SLIT3: variants seen among roughly 807,000 people sequenced by gnomAD.
SLIT3 encodes the protein slit guidance ligand 3.
A neutral mutation model predicts 184.0 loss-of-function variants in SLIT3; 68 were observed. The observed-to-expected ratio is 0.37, with a 90% CI of 0.30 to 0.45. The LOEUF (loss-of-function observed/expected upper bound fraction) is 0.45, where lower values mean the gene tolerates loss of function less well. SLIT3 is among the 20% of genes least tolerant of loss of function. The pLI, the probability that SLIT3 is intolerant of heterozygous loss-of-function variation, is 1.00. For missense variants in SLIT3, 1,707 were observed against 2,026.0 expected (o/e 0.84, Z 3.02); for synonymous variants, 831 against 828.6 (o/e 1.00, Z -0.05).
chr5:169,256,740 C>T (rs932931973), intron 1 of SLIT3, among the ~76,000 whole-genome samples: 1 of 152,116 alleles, frequency 6.6e-6, no homozygotes, highest in Admixed American at 6.5e-5. Context: ...TTTGTGCCAC[C>T]TCTGAGAACC....
At chr5:168,957,257 G>T (rs1053116249) in intron 4 of SLIT3, among the ~76,000 whole-genome samples, 15 of 151,992 alleles carry the variant, frequency 9.9e-5, no homozygotes, top group African/African-American at 3.6e-4. Context: ...TAGAGGTGGG[G>T]GTCTGGCTAT....
intron 4 of SLIT3, among the ~76,000 whole-genome samples, chr5:169,177,840 T>G (rs1398404766): frequency 6.6e-6 from 1 of 152,354 alleles, no homozygotes; most frequent in Non-Finnish European, 1.5e-5. Flanking sequence ...ACTTCCTTTC[T>G]CTTCCCTTCC....
In SLIT3 at chr5:168,898,251, AG is replaced by A. The variant is rs575332889; in HGVS notation, c.414-14916del. 2.1e-3 allele frequency among the ~76,000 whole-genome samples: 327 copies of A among 152,286 alleles called. 3 individuals are homozygous for A. The Middle Eastern group carries it at 0.034, about 16-fold the overall frequency. On this transcript the variant is annotated intron_variant, in intron 4 of 35. Transcript: ENST00000519560. Reference sequence around the variant, plus strand: ...CCTATTGATCATAAGAGGGCCTGACAGGCACTCAAGCTGGGTATACATCACC... The same window carrying A: ...CCTATTGATCATAAGAGGGCCTGACAGCACTCAAGCTGGGTATACATCACC...
At chr5:169,209,628 T>A (rs115110536) in intron 3 of SLIT3, among the ~76,000 whole-genome samples, 10,458 of 152,168 alleles carry the variant, frequency 0.069, 449 homozygotes, top group South Asian at 0.12. Context: ...AGAAAAGGAT[T>A]AGTTCACATC....
chr5:169,094,116 A>G (rs907105132), intron 4 of SLIT3, among the ~76,000 whole-genome samples: 1 of 152,186 alleles, frequency 6.6e-6, no homozygotes, highest in African/African-American at 2.4e-5. Context: ...CCAAGATCAC[A>G]CAGCTAATAA....
chr5:169,005,133 T>TG (rs1755867758), intron 4 of SLIT3, among the ~76,000 whole-genome samples: 1 of 152,252 alleles, frequency 6.6e-6, no homozygotes, highest in Non-Finnish European at 1.5e-5. Flanking sequence ...CAGATTGTTT[T>TG]TAAAACATAA....
intron 4 of SLIT3, chr5:169,030,499 A>G (rs1756989924): frequency 6.6e-6 from 1 of 152,222 alleles, no homozygotes. Context: ...GCGGAGATCT[A>G]TTATAGAACA....
At chr5:168,759,910 GC>G (rs1458956162) in intron 16 of SLIT3, among the ~76,000 whole-genome samples, 1 of 152,174 alleles carries the variant, frequency 6.6e-6, no homozygotes, top group South Asian at 2.1e-4. Context: ...GCCAAAGAGT[GC>G]CCCCCTGGGG....
At chr5:168,912,039 C>T (rs1161951449) in intron 4 of SLIT3, among the ~76,000 whole-genome samples, 2 of 152,184 alleles carry the variant, frequency 1.3e-5, no homozygotes, top group Non-Finnish European at 2.9e-5. Flanking sequence ...ACCACTGCCA[C>T]CCCAAGACAG....
chr5:168,666,660 C>T lies in SLIT3; in HGVS notation c.4366G>A (p.Glu1456Lys), dbSNP rs1432047304. 10 of 1,614,212 alleles carry T rather than the reference C, an allele frequency of 6.2e-6. No homozygotes were observed. Among genetic ancestry groups the T allele is most frequent in the Non-Finnish European group, 8.5e-6 (10 of 1,180,048 alleles). Reference sequence around the variant, plus strand: ...TAACCTTTCTGGCGGCGGATCACCTCTCGGACTACTTGTCCCAGGCACGGA... The same window carrying T: ...TAACCTTTCTGGCGGCGGATCACCTTTCGGACTACTTGTCCCAGGCACGGA... ...ENPCLGQVVR[E>K]VIRRQKGYAS... Residue 1456 changes from glutamate (E) to lysine (K), a missense_variant, in exon 36 of 36, where the codon GAG becomes AAG. By Grantham distance (56) the Glu-to-Lys change is moderately conservative (BLOSUM62 1). Transcript: ENST00000519560.
intron 4 of SLIT3, among the ~76,000 whole-genome samples, chr5:169,048,774 G>A (rs140444750): frequency 4.3e-4 from 65 of 152,288 alleles, no homozygotes; most frequent in Non-Finnish European, 8.5e-4. Flanking sequence ...ATCTCTGGAG[G>A]TGGTATAGGA....
intron 4 of SLIT3, among the ~76,000 whole-genome samples, chr5:168,998,362 G>A (rs1180055686): frequency 6.6e-6 from 1 of 152,128 alleles, no homozygotes; most frequent in Admixed American, 6.5e-5. Flanking sequence ...TACTCTTCTA[G>A]TTATAATGTT....
Position 169,157,619 on chromosome 5 carries a change from T to C in SLIT3, c.413+35860A>G, listed in dbSNP as rs149950455. 8.1e-3 allele frequency among the ~76,000 whole-genome samples: 1,231 copies of C among 151,782 alleles called. 24 individuals carry two copies. The highest frequency in any genetic ancestry group is 0.029 in the African/African-American group (1,180 of 41,350). ...ACAGAAGATTCAATAAGATCCAGAG[T>C]CGCACAACATAATACTCAAAATGTC... is the stretch of plus-strand genomic sequence containing the variant. On this transcript the variant is annotated intron_variant, in intron 4 of 35. Coordinates refer to ENST00000519560, the MANE Select transcript of SLIT3 (RefSeq NM_003062.4).
chr5:168,918,102 C>A (rs1761504540), intron 4 of SLIT3, among the ~76,000 whole-genome samples: 1 of 151,866 alleles, frequency 6.6e-6, no homozygotes, highest in African/African-American at 2.4e-5. Flanking sequence ...TTTTTCCCAA[C>A]ATCCTGGTGC....
chr5:168,726,637 T>C (rs1392889041), intron 20 of SLIT3, among the ~76,000 whole-genome samples: 1 of 151,302 alleles, frequency 6.6e-6, no homozygotes, highest in Non-Finnish European at 1.5e-5. Context: ...TGTGCTTTCT[T>C]GGGAAGGAGC....
intron 3 of SLIT3, among the ~76,000 whole-genome samples, chr5:169,202,333 T>C (rs1182212012): frequency 1.3e-5 from 2 of 152,192 alleles, no homozygotes; most frequent in African/African-American, 4.8e-5. Flanking sequence ...CTTACTACTA[T>C]GAGCTAAGTG....
intron 4 of SLIT3, among the ~76,000 whole-genome samples, chr5:169,005,771 C>A (rs1755896871): frequency 6.6e-6 from 1 of 152,218 alleles, no homozygotes; most frequent in South Asian, 2.1e-4. Flanking sequence ...ATCATACTTG[C>A]CTTGCTGGTG....
In SLIT3 at chr5:169,296,757, G is replaced by A. The variant is rs1002893860; in HGVS notation, c.197+3756C>T. On this transcript the variant is annotated intron_variant, in intron 1 of 35. Transcript: ENST00000519560. ...GAAAATTAAGTTACCACATTCTCAC[G>A]TTTCAGCCTTTCGCCCGTTCTCCTT... 1.9e-4 allele frequency among the ~76,000 whole-genome samples: 29 copies of A among 152,210 alleles called. 1 individual carries two copies. Among genetic ancestry groups the A allele is most frequent in the African/African-American group, 6.8e-4 (28 of 41,454 alleles).
chr5:169,099,457 G>A (rs1327738901), intron 4 of SLIT3, among the ~76,000 whole-genome samples: 1 of 152,168 alleles, frequency 6.6e-6, no homozygotes, highest in Non-Finnish European at 1.5e-5. Context: ...CACTGGGGAT[G>A]CAAAAAGAAT....
Sources: allele counts gnomAD v4.1 joint callset (sites outside exome capture counted in the v4.1 genomes callset), GRCh38; gene constraint gnomAD v4.1.1; transcripts MANE v1.5; gene names NCBI Gene and HGNC (gene_info 2026-07-23, HGNC 2026-07-21).